CTNNA3: variants seen among roughly 807,000 people sequenced by gnomAD.
CTNNA3 encodes the protein catenin alpha-3.
Under a neutral mutation model 95.7 loss-of-function variants are expected in CTNNA3, and 76 were observed. The observed-to-expected ratio is 0.79, with a 90% CI of 0.66 to 0.96. CTNNA3 has a LOEUF of 0.96. CTNNA3 is among the 40% of genes least tolerant of loss of function. The pLI is 0.00. For missense variants in CTNNA3, 1,191 were observed against 1,089.8 expected, an observed-to-expected ratio of 1.09 and a Z score of -1.31; for synonymous variants, 431 against 374.4, an observed-to-expected ratio of 1.15 and a Z score of -1.74.
At chr10:67,173,344 T>A (rs1015849398) in intron 7 of CTNNA3, among the ~76,000 whole-genome samples, 1 of 152,154 alleles carries the variant, frequency 6.6e-6, no homozygotes, top group African/African-American at 2.4e-5. Context: ...CCATCAATGA[T>A]TGACAGTTGC....
chr10:66,393,662 T>C (rs2092951375), intron 11 of CTNNA3, among the ~76,000 whole-genome samples: 2 of 152,218 alleles, frequency 1.3e-5, no homozygotes, highest in Middle Eastern at 6.8e-3. Flanking sequence ...GGTTGTCAAC[T>C]GGTTTCTTGG....
intron 12 of CTNNA3, among the ~76,000 whole-genome samples, chr10:66,357,764 T>TA (rs1458110861): frequency 3.9e-5 from 6 of 152,172 alleles, no homozygotes; most frequent in African/African-American, 1.4e-4. Context: ...TACGCATGTG[T>TA]AAGTTTTTGT....
intron 1 of CTNNA3, among the ~76,000 whole-genome samples, chr10:67,720,902 C>T (rs541201035): frequency 9.9e-5 from 15 of 152,062 alleles, no homozygotes; most frequent in African/African-American, 7.2e-5. Flanking sequence ...TGCAGTGAGC[C>T]GAGATCATGC....
rs72637090 is a variant in CTNNA3, at chr10:66,907,442, C to T, written c.1048-131918G>A. On this transcript the variant is annotated intron_variant, in intron 7 of 17. Coordinates refer to ENST00000433211, the MANE Select transcript of CTNNA3 (RefSeq NM_013266.4). ...ACAATCCATAATCTACAAATAAATA[C>T]TTCTTTTTCTCCTCTCTTTGAAAAA... Among the ~76,000 whole-genome samples, 5,011 of 152,194 alleles carry T rather than the reference C, an allele frequency of 0.033. 429 individuals are homozygous for T. The East Asian group carries it at 0.36, about 11-fold the overall frequency.
chr10:66,479,782 T>C (rs952470415), intron 11 of CTNNA3, among the ~76,000 whole-genome samples: 1 of 152,106 alleles, frequency 6.6e-6, no homozygotes, highest in African/African-American at 2.4e-5. Context: ...TGCATCATTT[T>C]TGAGTATTGT....
chr10:66,120,270 T>A lies in CTNNA3; in HGVS notation c.1885-17021A>T, dbSNP rs75042143. On this transcript the variant is annotated intron_variant, in intron 13 of 17. Coordinates refer to ENST00000433211, the MANE Select transcript of CTNNA3 (RefSeq NM_013266.4). ...ATTGTGATGTACCTATCTTATAGGG[T>A]TGTTGTGAGGAATATATGACAGTAA... 4.8e-3 allele frequency among the ~76,000 whole-genome samples: 733 copies of A among 152,214 alleles called. 3 individuals carry two copies. The highest frequency in any genetic ancestry group is 0.017 in the African/African-American group (693 of 41,542).
In CTNNA3 at chr10:67,577,590, A is replaced by T. The variant is rs575026180; in HGVS notation, c.292+29267T>A. Reference sequence around the variant, plus strand: ...CATTGCTTTTGGTGTTTTAGACGTGAAACACCCATGCCTATGTCCTGAATG... The same window carrying T: ...CATTGCTTTTGGTGTTTTAGACGTGTAACACCCATGCCTATGTCCTGAATG... On this transcript the variant is annotated intron_variant, in intron 3 of 17. Transcript: ENST00000433211. Among the ~76,000 whole-genome samples, 4 of 152,050 alleles carry T rather than the reference A, an allele frequency of 2.6e-5. No individual in the cohort carries two copies. In the South Asian group the frequency reaches 8.3e-4, roughly 32 times the overall value.
At chr10:66,466,831 A>C (rs1251996282) in intron 11 of CTNNA3, among the ~76,000 whole-genome samples, 2 of 152,140 alleles carry the variant, frequency 1.3e-5, no homozygotes, top group Non-Finnish European at 2.9e-5. Context: ...ATTCATGTGC[A>C]TGTCAATGCT....
chr10:67,006,769 C>A (rs1852015587), intron 7 of CTNNA3, among the ~76,000 whole-genome samples: 1 of 150,626 alleles, frequency 6.6e-6, no homozygotes, highest in Non-Finnish European at 1.5e-5. Context: ...CATTTGTTCT[C>A]TTTATTTCCT....
At chr10:66,226,505 A>G (rs2089294574) in intron 13 of CTNNA3, among the ~76,000 whole-genome samples, 1 of 147,216 alleles carries the variant, frequency 6.8e-6, no homozygotes, top group Non-Finnish European at 1.5e-5. Context: ...AGCTTTATTC[A>G]TTTTTCTCAG....
intron 6 of CTNNA3, among the ~76,000 whole-genome samples, chr10:67,200,898 A>G (rs1863613287): frequency 2.6e-5 from 4 of 152,202 alleles, no homozygotes; most frequent in Admixed American, 6.5e-5. Context: ...ACTAAAACAG[A>G]CTATTCTCAC....
chr10:67,443,570 G>T (rs557061307), intron 5 of CTNNA3, among the ~76,000 whole-genome samples: 3 of 152,154 alleles, frequency 2.0e-5, no homozygotes, highest in Admixed American at 1.3e-4. Flanking sequence ...TTTTTCATGC[G>T]TCTTTTGATT....
intron 7 of CTNNA3, among the ~76,000 whole-genome samples, chr10:67,076,762 T>C (rs147035387): frequency 7.6e-4 from 115 of 152,252 alleles, no homozygotes; most frequent in African/African-American, 2.7e-3. Flanking sequence ...CAACATAAAC[T>C]AAGAGAAACT....
chr10:67,515,524 T>C (rs1839783706), intron 5 of CTNNA3, among the ~76,000 whole-genome samples: 1 of 152,200 alleles, frequency 6.6e-6, no homozygotes, highest in African/African-American at 2.4e-5. Context: ...TAATTCAACA[T>C]TTTTTATACC....
chr10:67,042,762 T>C (rs1282404596), intron 7 of CTNNA3, among the ~76,000 whole-genome samples: 2 of 152,128 alleles, frequency 1.3e-5, no homozygotes, highest in Non-Finnish European at 2.9e-5. Context: ...TGAAAATGTT[T>C]GCTGGATTCA....
chr10:66,520,229 C>A (rs1841006983), intron 11 of CTNNA3, among the ~76,000 whole-genome samples: 3 of 132,456 alleles, frequency 2.3e-5, no homozygotes, highest in African/African-American at 5.4e-5. Context: ...TAAAATTAAT[C>A]TTATTTAGTA....
intron 5 of CTNNA3, among the ~76,000 whole-genome samples, chr10:67,407,604 T>C (rs953646828): frequency 2.6e-5 from 4 of 152,128 alleles, no homozygotes; most frequent in Non-Finnish European, 5.9e-5. Context: ...TGTATTCAAA[T>C]AGGAAAGGAA....
At chr10:67,671,720 T>C (rs1311423888) in intron 1 of CTNNA3, among the ~76,000 whole-genome samples, 4 of 151,880 alleles carry the variant, frequency 2.6e-5, no homozygotes, top group African/African-American at 4.9e-5. Context: ...TAGTATTCCA[T>C]GGTGTATATG....
intron 1 of CTNNA3, among the ~76,000 whole-genome samples, chr10:67,729,864 A>T (rs911763435): frequency 1.3e-5 from 2 of 152,126 alleles, no homozygotes; most frequent in Non-Finnish European, 2.9e-5. Flanking sequence ...CGTTATGTCC[A>T]TTTCACCTCA....
Sources: allele counts gnomAD v4.1 joint callset (sites outside exome capture counted in the v4.1 genomes callset), GRCh38; gene constraint gnomAD v4.1.1; transcripts MANE v1.5; gene names NCBI Gene and HGNC (gene_info 2026-07-23, HGNC 2026-07-21).